Variants in TSC2 observed in about 807,000 individuals in gnomAD.
The protein encoded by TSC2 is TSC complex subunit 2.
A neutral mutation model predicts 202.2 loss-of-function variants in TSC2; 29 were observed. The observed-to-expected ratio is 0.14, with a 90% CI of 0.11 to 0.20. TSC2 has a LOEUF of 0.20. TSC2 is among the 10% of genes least tolerant of loss of function. The pLI is 1.00. For synonymous variants in TSC2, 1,349 were observed against 1,044.0 expected (o/e 1.29, Z -5.63); for missense variants, 2,429 against 2,420.0 (o/e 1.00, Z -0.08).
At chr16:2,054,766 C>G (rs544249709) in intron 5 of TSC2, 2 of 447,428 alleles carry the variant, frequency 4.5e-6, no homozygotes, top group Admixed American at 7.0e-5. Context: ...TCAACCGGAG[C>G]GTACTGGTCC....
chr16:2,080,031 C>T (rs1473407029), intron 29 of TSC2, 134 bp from the exon 30 acceptor site: 1 of 1,269,254 alleles, frequency 7.9e-7, no homozygotes. Flanking sequence ...GGGCCGTGCC[C>T]CAAGGGCAGA....
intron 9 of TSC2, among the ~76,000 whole-genome samples, chr16:2,057,837 C>T (rs2151094984): frequency 1.1e-5 from 1 of 92,020 alleles, no homozygotes; most frequent in African/African-American, 4.4e-5. Flanking sequence ...GCCTCGGCCC[C>T]TGCATCTCTC....
chr16:2,063,202 A>C, intron 14 of TSC2, 149 bp downstream of exon 14: 1 of 941,306 alleles, frequency 1.1e-6, no homozygotes, highest in East Asian at 2.6e-5. Flanking sequence ...TGGTCTGTTT[A>C]CCCCTGTTCA....
chr16:2,074,056 G>A (rs2088890029), intron 21 of TSC2, 144 bp from the exon 22 acceptor site: 1 of 1,037,920 alleles, frequency 9.6e-7, no homozygotes, highest in South Asian at 1.3e-5. Context: ...GGGTAGCTCA[G>A]CACTGCTGGC....
At position 2,054,393 on chromosome 16, in the gene TSC2, C is replaced by T. The variant is rs1596265255; in HGVS notation, c.434C>T (p.Ala145Val). 1 of 1,614,132 alleles carries T rather than the reference C, an allele frequency of 6.2e-7. No individual in the cohort carries two copies. The highest frequency in any genetic ancestry group is 1.7e-5 in the Admixed American group (1 of 60,010). The change falls in exon 5 of 42, where the codon GCC becomes GTC. Residue 145 changes from alanine to valine, a missense_variant. Physicochemically the swap from Ala to Val is moderately conservative, Grantham distance 64. Transcript: ENST00000219476. ...CACGAAAGGCTGGAGGTTTTCAAGG[C>T]CCTCACAGACAATGGGAGACACATC... ...DLHERLEVFKALTDNGRHITY... is the reference protein window; with the variant it reads ...DLHERLEVFKVLTDNGRHITY...
chr16:2,076,734 C>G (rs758011715), intron 25 of TSC2, 149 bp downstream of exon 25: 3 of 787,996 alleles, frequency 3.8e-6, no homozygotes, highest in South Asian at 3.2e-5. Context: ...CTGCAAGGGC[C>G]GCTAACACCC....
chr16:2,065,040 G>T, intron 15 of TSC2: 1 of 191,548 alleles, frequency 5.2e-6, no homozygotes, highest in South Asian at 9.7e-5. Context: ...CTTGAACCTA[G>T]GAGGTGAAGG....
rs142421783 is a variant in TSC2, at chr16:2,086,475, CA to C, written c.4849+97del. 9.7e-3 allele frequency: 14,637 copies of C among 1,512,526 alleles called. 1,161 individuals are homozygous for C. In the African/African-American group the frequency reaches 0.17, roughly 18 times the overall value. 93.7% of individuals were successfully genotyped at this position (1,512,526 alleles called of 1,614,324 possible). On this transcript the variant is annotated intron_variant, in intron 37 of 41. Transcript: ENST00000219476. The stretch of plus-strand genomic sequence containing the variant: ...CCCACGCCCTGGGGCATGGCCCTGG[CA>C]CCCCCACCTGCTCCAGCTCCCCACG...
At chr16:2,060,981 A>G in intron 11 of TSC2, 168 bp downstream of exon 11, 1 of 882,662 alleles carries the variant, frequency 1.1e-6, no homozygotes, top group Non-Finnish European at 1.7e-6. Flanking sequence ...CACCGGAGAC[A>G]GGTCTGATTT....
chr16:2,062,053 G>A (rs772670418), intron 12 of TSC2, 45 bp downstream of exon 12: 1 of 1,612,622 alleles, frequency 6.2e-7, no homozygotes, highest in Non-Finnish European at 8.5e-7. Context: ...TGGCTGGTGG[G>A]GAGGGGCCGG....
intron 8 of TSC2, 150 bp downstream of exon 8, chr16:2,056,919 G>T (rs921432731): frequency 8.2e-6 from 12 of 1,462,712 alleles, no homozygotes; most frequent in Non-Finnish European, 8.5e-6. Context: ...CCAGGCAGTT[G>T]AGCTGAGGTC....
intron 15 of TSC2, chr16:2,064,730 G>A (rs1056387365): frequency 4.0e-6 from 2 of 499,848 alleles, no homozygotes; most frequent in Non-Finnish European, 3.7e-6. Context: ...CGTCCTCCCT[G>A]CCCAGCCAAC....
At chr16:2,059,782 G>T (rs920892346) in intron 10 of TSC2, among the ~76,000 whole-genome samples, 5 of 152,150 alleles carry the variant, frequency 3.3e-5, no homozygotes, top group Non-Finnish European at 5.9e-5. Flanking sequence ...GCCTCCCAAA[G>T]TGCTGGAATT....
rs1285610274 is a variant in TSC2 at position 2,055,981 on chromosome 16, A to C, written c.600-215A>C. 6.2e-6 allele frequency: 4 copies of C among 649,330 alleles called. No homozygotes were observed. In the African/African-American group the frequency reaches 7.2e-5, roughly 12 times the overall value. The allele number at this position is 649,330 out of a possible 1,614,324, so 40.2% of individuals were successfully genotyped here. ...GTTATCTTTTTGTTGTTTGTTTAGA[A>C]TGTTGCATGAGCTCTGTCTCACTCA... On this transcript the variant is annotated intron_variant, in intron 6 of 41. Coordinates refer to ENST00000219476, the MANE Select transcript of TSC2 (RefSeq NM_000548.5).
rs1596289105 is a variant in TSC2 at position 2,058,848 on chromosome 16, C to T, written c.950C>T (p.Thr317Ile). Reference sequence around the variant, plus strand: ...CTCTATTCTCTCAGGAACTCGCCGACATCTGTGTTGCCATCATTTTACCAG... The same window carrying T: ...CTCTATTCTCTCAGGAACTCGCCGATATCTGTGTTGCCATCATTTTACCAG... ...HRLYSLRNSPTSVLPSFYQAM... is the reference protein window; with the variant it reads ...HRLYSLRNSPISVLPSFYQAM... The change falls in exon 10 of 42, where the codon ACA becomes ATA. Residue 317 changes from threonine to isoleucine, a missense_variant. Thr to Ile is a moderately conservative substitution (Grantham distance 89). Transcript: ENST00000219476. 6.2e-6 allele frequency: 10 copies of T among 1,607,960 alleles called. No individual in the cohort carries two copies. In the Middle Eastern group the frequency reaches 6.6e-4, roughly 106 times the overall value.
intron 23 of TSC2, 29 bp downstream of exon 23, chr16:2,075,921 C>T (rs2151383130): frequency 1.9e-6 from 3 of 1,612,790 alleles, no homozygotes; most frequent in Non-Finnish European, 2.5e-6. Context: ...CCCTGTGCCT[C>T]CCAGCCGTGG....
At chr16:2,048,518 GAGGTCCGC>G in intron 1 of TSC2, 61 bp from the exon 2 acceptor site, 1 of 1,596,024 alleles carries the variant, frequency 6.3e-7, no homozygotes, top group Non-Finnish European at 8.6e-7. Context: ...CTGACGGCTG[GAGGTCCGC>G]AGTGGGGAAG....
chr16:2,066,651 CTTTTTT>C (rs34619573), intron 16 of TSC2, among the ~76,000 whole-genome samples: 10 of 98,482 alleles, frequency 1.0e-4, no homozygotes, highest in South Asian at 3.6e-4. Context: ...TCTGATTTAT[CTTTTTT>C]TTTTTTTTTT....
rs45446697 is a variant in TSC2 at position 2,062,962 on chromosome 16, C to G, written c.1362-10C>G. 4 of 1,549,430 alleles carry G rather than the reference C, an allele frequency of 2.6e-6. No individual in the cohort carries two copies. Among genetic ancestry groups the G allele is most frequent in the Non-Finnish European group, 3.5e-6 (4 of 1,146,728 alleles). On this transcript the variant is annotated splice_polypyrimidine_tract_variant and intron_variant, in intron 13 of 41. Coordinates refer to ENST00000219476, the MANE Select transcript of TSC2 (RefSeq NM_000548.5). ...CTCCCCACCCGCCCCAGCAGGCTGCCGTCCCGCAGGAGCGAGTCCCGAGGC... is the reference window on the plus strand; with the variant it reads ...CTCCCCACCCGCCCCAGCAGGCTGCGGTCCCGCAGGAGCGAGTCCCGAGGC...
Sources: allele counts gnomAD v4.1 joint callset (sites outside exome capture counted in the v4.1 genomes callset), GRCh38; gene constraint gnomAD v4.1.1; transcripts MANE v1.5; gene names NCBI Gene and HGNC (gene_info 2026-07-23, HGNC 2026-07-21).